Variants in LPP observed in about 807,000 individuals in gnomAD.
The protein encoded by LPP is lipoma-preferred partner.
Under a neutral mutation model 60.4 loss-of-function variants are expected in LPP, and 38 were observed. That is an observed-to-expected ratio of 0.63 (90% CI 0.49 to 0.83). The LOEUF is 0.83. LPP is among the 40% of genes least tolerant of loss of function. LPP has a pLI of 0.00. For missense variants in LPP, 902 were observed against 783.6 expected (o/e 1.15, Z -1.80); for synonymous variants, 328 against 290.8 (o/e 1.13, Z -1.30).
chr3:188,848,269 G>C (rs925695893), intron 9 of LPP, among the ~76,000 whole-genome samples: 1 of 152,142 alleles, frequency 6.6e-6, no homozygotes, highest in Non-Finnish European at 1.5e-5. Context: ...CTCGAGTCTT[G>C]TCTTATGAGT....
intron 7 of LPP, among the ~76,000 whole-genome samples, chr3:188,690,270 C>T (rs1045119066): frequency 2.0e-5 from 3 of 152,156 alleles, no homozygotes; most frequent in Admixed American, 1.3e-4. Context: ...GTGTTCATTA[C>T]GCTATGTGAC....
intron 7 of LPP, among the ~76,000 whole-genome samples, chr3:188,683,730 C>T (rs772514863): frequency 3.4e-4 from 51 of 152,038 alleles, no homozygotes; most frequent in Middle Eastern, 3.2e-3. Context: ...AGTTGTGTTG[C>T]GGGGTGGGGA....
In LPP at chr3:188,881,800, T is replaced by C. The variant is rs1459469607; in HGVS notation, c.*7321T>C. ...GACATTTTTCCTCCATATTTTCATA[T>C]TAAATATTAACACTTTATAGGTTCT... On this transcript the variant is annotated 3_prime_UTR_variant, in exon 12 of 12. Coordinates refer to ENST00000617246, the MANE Select transcript of LPP (RefSeq NM_001375462.1). 11 of 219,042 alleles carry C rather than the reference T, an allele frequency of 5.0e-5. No homozygotes were observed. The highest frequency in any genetic ancestry group is 1.4e-3 in the Middle Eastern group (1 of 704). 13.6% of individuals were successfully genotyped at this position (219,042 alleles called of 1,614,324 possible).
intron 5 of LPP, among the ~76,000 whole-genome samples, chr3:188,524,462 C>T (rs1819889959): frequency 6.6e-6 from 1 of 152,004 alleles, no homozygotes; most frequent in South Asian, 2.1e-4. Flanking sequence ...GAAAAATCAT[C>T]TTTTATTTTT....
At chr3:188,411,218 G>A (rs1784816036) in intron 4 of LPP, among the ~76,000 whole-genome samples, 1 of 151,980 alleles carries the variant, frequency 6.6e-6, no homozygotes, top group African/African-American at 2.4e-5. Context: ...ACCACATTGA[G>A]ATACCACCTT....
intron 2 of LPP, among the ~76,000 whole-genome samples, chr3:188,325,407 G>T (rs993632302): frequency 6.6e-6 from 1 of 152,030 alleles, no homozygotes; most frequent in African/African-American, 2.4e-5. Context: ...TGCAAAACTG[G>T]CTTGGAAGTA....
chr3:188,707,056 A>G lies in LPP; in HGVS notation c.1114-1211A>G, dbSNP rs947225919. The stretch of plus-strand genomic sequence containing the variant: ...AGTATATGGCCTTTATTCCTTTTTT[A>G]CATACTTTTTATTCTTCATTGATGA... On this transcript the variant is annotated intron_variant, in intron 7 of 11. Coordinates refer to ENST00000617246, the MANE Select transcript of LPP (RefSeq NM_001375462.1). Among the ~76,000 whole-genome samples the G allele has an allele frequency of 1.1e-4, 17 of 152,256 alleles. No individual in the cohort carries two copies. In the East Asian group the frequency reaches 1.7e-3, roughly 16 times the overall value.
Position 188,352,392 on chromosome 3 carries a change from T to C in LPP, c.-10+10673T>C, listed in dbSNP as rs910939562. On this transcript the variant is annotated intron_variant, in intron 3 of 11. Coordinates refer to ENST00000617246, the MANE Select transcript of LPP (RefSeq NM_001375462.1). This position sits in a 1 kb window ranked among gnomAD's most constrained non-coding sequence, Gnocchi z 4.4. ...CTCCTTGGGCTCTGTTTAGATCAGC[T>C]ATTTTCTGAAGGAGTCGCTGACCTT... 6.6e-6 allele frequency among the ~76,000 whole-genome samples: 1 copy of C among 152,164 alleles called. No individual in the cohort carries two copies. The highest frequency in any genetic ancestry group is 1.5e-5 in the Non-Finnish European group (1 of 68,036).
chr3:188,772,840 A>G (rs1034420602), intron 9 of LPP, among the ~76,000 whole-genome samples: 3 of 152,008 alleles, frequency 2.0e-5, no homozygotes, highest in Admixed American at 2.0e-4. Context: ...GTGTCACTCT[A>G]GCACTATGTC....
chr3:188,331,007 C>T (rs1759900395), intron 2 of LPP, among the ~76,000 whole-genome samples: 1 of 151,950 alleles, frequency 6.6e-6, no homozygotes, highest in South Asian at 2.1e-4. Context: ...ATTTTTTCTT[C>T]CTGAGACTTC....
intron 3 of LPP, among the ~76,000 whole-genome samples, chr3:188,396,504 G>T (rs1457657892): frequency 1.3e-5 from 2 of 152,224 alleles, no homozygotes; most frequent in African/African-American, 4.8e-5. Flanking sequence ...TAAGTGAGCT[G>T]CAGTTAACTT....
At chr3:188,820,562 T>C (rs1315855936) in intron 9 of LPP, among the ~76,000 whole-genome samples, 3 of 152,164 alleles carry the variant, frequency 2.0e-5, no homozygotes, top group Non-Finnish European at 4.4e-5. Flanking sequence ...ATTCCTACAT[T>C]CTGTGTGTTT....
chr3:188,603,664 T>C (rs1396989764), intron 6 of LPP, among the ~76,000 whole-genome samples: 6 of 152,172 alleles, frequency 3.9e-5, no homozygotes, highest in Admixed American at 3.9e-4. Context: ...GGGTTACCAA[T>C]AGGTATTTTA....
At chr3:188,290,255 C>T (rs146367618) in intron 2 of LPP, among the ~76,000 whole-genome samples, 20 of 152,220 alleles carry the variant, frequency 1.3e-4, no homozygotes, top group East Asian at 3.9e-4. Flanking sequence ...GGATTACAGA[C>T]GTGAGCCACC....
intron 9 of LPP, among the ~76,000 whole-genome samples, chr3:188,767,825 A>T (rs1985014): frequency 6.6e-6 from 1 of 151,980 alleles, no homozygotes; most frequent in Non-Finnish European, 1.5e-5. Context: ...GCAACAGGAA[A>T]CAGTGCATAT....
chr3:188,550,617 A>T lies in LPP; in HGVS notation c.429+25830A>T, dbSNP rs144301224. Among the ~76,000 whole-genome samples the T allele has an allele frequency of 3.4e-5, 5 of 148,906 alleles. No homozygotes were observed. In the East Asian group the frequency reaches 9.8e-4, roughly 29 times the overall value. On this transcript the variant is annotated intron_variant, in intron 6 of 11. Transcript: ENST00000617246. ...AAAAAAAAATCGAACAAGTCTTTGG[A>T]TATTAACCATAGTGATCATGCCCTA...
chr3:188,835,268 G>A (rs1758128664), intron 9 of LPP, among the ~76,000 whole-genome samples: 1 of 146,840 alleles, frequency 6.8e-6, no homozygotes, highest in Non-Finnish European at 1.5e-5. Context: ...GACTACCCTA[G>A]CCAATATGGT....
At chr3:188,471,864 G>A (rs1268862672) in intron 4 of LPP, among the ~76,000 whole-genome samples, 2 of 152,226 alleles carry the variant, frequency 1.3e-5, no homozygotes, top group East Asian at 1.9e-4. Flanking sequence ...TCTGGATAAA[G>A]GCAGCTTCAT....
At chr3:188,699,992 C>T (rs950200927) in intron 7 of LPP, among the ~76,000 whole-genome samples, 1 of 152,132 alleles carries the variant, frequency 6.6e-6, no homozygotes, top group Non-Finnish European at 1.5e-5. Flanking sequence ...GGCAGGCTTT[C>T]AGCTCTAAAA....
Sources: allele counts gnomAD v4.1 joint callset (sites outside exome capture counted in the v4.1 genomes callset), GRCh38; gene constraint gnomAD v4.1.1; non-coding constraint Gnocchi (gnomAD v3.1); transcripts MANE v1.5; gene names NCBI Gene and HGNC (gene_info 2026-07-23, HGNC 2026-07-21).